The following ZNF385B variants were observed in gnomAD, a reference collection of about 807,000 sequenced individuals.
ZNF385B encodes the protein zinc finger protein 385B, also known as zinc finger protein 533.
A neutral mutation model predicts 39.2 loss-of-function variants in ZNF385B; 23 were observed. That is an observed-to-expected ratio of 0.59 (90% CI 0.42 to 0.83). The LOEUF is 0.83. Among genes scored for constraint, ZNF385B ranks in the 40% least tolerant of loss-of-function variants. The probability of loss-of-function intolerance (pLI) is 0.00; values close to 1 mark genes in which losing one functional copy is unlikely to be tolerated. For synonymous variants in ZNF385B, 205 were observed against 222.6 expected, an observed-to-expected ratio of 0.92 and a Z score of 0.70; for missense variants, 552 against 598.9, an observed-to-expected ratio of 0.92 and a Z score of 0.82.
chr2:179,857,004 C>T (rs1308673958), intron 1 of ZNF385B, among the ~76,000 whole-genome samples: 1 of 152,164 alleles, frequency 6.6e-6, no homozygotes, highest in African/African-American at 2.4e-5. Context: ...CAAGGATCAC[C>T]TATTTCAAAA....
chr2:179,850,799 T>C (rs1684075054), intron 1 of ZNF385B, among the ~76,000 whole-genome samples: 1 of 152,160 alleles, frequency 6.6e-6, no homozygotes, highest in South Asian at 2.1e-4. Context: ...GAAGTAAAAG[T>C]GGGCTAGACC....
chr2:179,859,479 G>T, intron 1 of ZNF385B, among the ~76,000 whole-genome samples: 1 of 151,988 alleles, frequency 6.6e-6, no homozygotes, highest in East Asian at 1.9e-4. Context: ...GCAAAACATT[G>T]TATCACCAAG....
At chr2:179,518,241 T>C (rs2058226580) in intron 5 of ZNF385B, among the ~76,000 whole-genome samples, 1 of 152,188 alleles carries the variant, frequency 6.6e-6, no homozygotes, top group South Asian at 2.1e-4. Flanking sequence ...GTTTTAAAAT[T>C]TGTATTATTT....
chr2:179,642,560 C>T (rs527475317), intron 3 of ZNF385B, among the ~76,000 whole-genome samples: 23 of 152,108 alleles, frequency 1.5e-4, no homozygotes, highest in Non-Finnish European at 1.2e-4. Context: ...AGTCTGTAGA[C>T]CCTGAAGGGT....
chr2:179,563,873 T>A (rs1460953454), intron 3 of ZNF385B, among the ~76,000 whole-genome samples: 1 of 152,162 alleles, frequency 6.6e-6, no homozygotes, highest in Non-Finnish European at 1.5e-5. Flanking sequence ...GATGGCCTCT[T>A]CAAAATATTT....
chr2:179,678,846 C>T (rs558889120), intron 3 of ZNF385B, among the ~76,000 whole-genome samples: 23 of 152,238 alleles, frequency 1.5e-4, no homozygotes, highest in South Asian at 4.1e-4. Flanking sequence ...CCTATCCCCA[C>T]GGAAATTTCC....
At chr2:179,536,581 T>C in intron 4 of ZNF385B, 1 of 152,238 alleles carries the variant, frequency 6.6e-6, no homozygotes, top group East Asian at 1.9e-4. Context: ...CTCAATCTGA[T>C]ATTTTTAGGC....
intron 3 of ZNF385B, among the ~76,000 whole-genome samples, chr2:179,654,412 G>A (rs1379750441): frequency 2.0e-5 from 3 of 152,124 alleles, no homozygotes; most frequent in African/African-American, 7.2e-5. Flanking sequence ...AGGAGGATAG[G>A]AGCCTGTCAC....
intron 3 of ZNF385B, among the ~76,000 whole-genome samples, chr2:179,628,689 T>A (rs188920836): frequency 9.2e-5 from 14 of 152,344 alleles, no homozygotes; most frequent in Admixed American, 9.2e-4. Flanking sequence ...CAGTAATTGA[T>A]GATCATTTCC....
intron 3 of ZNF385B, among the ~76,000 whole-genome samples, chr2:179,553,857 CA>C: frequency 6.7e-6 from 1 of 148,912 alleles, no homozygotes; most frequent in South Asian, 2.2e-4. Flanking sequence ...AGCATAGAAT[CA>C]AGCCTTAAAT....
chr2:179,589,426 C>T (rs1182597135), intron 3 of ZNF385B, among the ~76,000 whole-genome samples: 2 of 151,960 alleles, frequency 1.3e-5, no homozygotes, highest in African/African-American at 2.4e-5. Context: ...AAGAAGAACA[C>T]CAAAGAGGAG....
At chr2:179,774,777 C>G (rs1704217391) in intron 1 of ZNF385B, among the ~76,000 whole-genome samples, 1 of 152,218 alleles carries the variant, frequency 6.6e-6, no homozygotes, top group Non-Finnish European at 1.5e-5. Flanking sequence ...CATCACTCAT[C>G]TGCAAACTAA....
intron 3 of ZNF385B, among the ~76,000 whole-genome samples, chr2:179,565,656 A>C (rs542023294): frequency 6.6e-6 from 1 of 152,234 alleles, no homozygotes; most frequent in Non-Finnish European, 1.5e-5. Context: ...GTTCTTGGAC[A>C]TACACACTTT....
chr2:179,578,929 T>C (rs979983734), intron 3 of ZNF385B, among the ~76,000 whole-genome samples: 1 of 152,114 alleles, frequency 6.6e-6, no homozygotes, highest in Non-Finnish European at 1.5e-5. Context: ...CACACACTCA[T>C]ATTAAATCTA....
chr2:179,763,976 C>T (rs1703547202), intron 3 of ZNF385B, among the ~76,000 whole-genome samples: 1 of 152,042 alleles, frequency 6.6e-6, no homozygotes, highest in African/African-American at 2.4e-5. Flanking sequence ...TTAATTAGAT[C>T]CTTTTAGTTG....
At chr2:179,537,285 T>A (rs1176086487) in intron 4 of ZNF385B, among the ~76,000 whole-genome samples, 1 of 125,458 alleles carries the variant, frequency 8.0e-6, no homozygotes, top group Non-Finnish European at 1.6e-5. Flanking sequence ...CTGGGCAACA[T>A]GAGCAAAACC....
intron 3 of ZNF385B, among the ~76,000 whole-genome samples, chr2:179,747,958 A>G (rs1166063412): frequency 6.6e-6 from 1 of 152,136 alleles, no homozygotes; most frequent in Non-Finnish European, 1.5e-5. Context: ...TTTCCCATCA[A>G]TATGAATTAT....
chr2:179,547,201 G>A lies in ZNF385B; in HGVS notation c.299-2232C>T, dbSNP rs1040919982. 8.7e-5 allele frequency among the ~76,000 whole-genome samples: 13 copies of A among 149,324 alleles called. 1 individual carries two copies. Among genetic ancestry groups the A allele is most frequent in the African/African-American group, 3.0e-4 (12 of 39,532 alleles). On this transcript the variant is annotated intron_variant, in intron 3 of 9. Coordinates refer to ENST00000410066, the MANE Select transcript of ZNF385B (RefSeq NM_152520.6). Reference sequence around the variant, plus strand: ...CACTTTGTTGACTGTTTTCATTGCTGTGCAGAAGCTTTGTAACTTGTGATC... The same window carrying A: ...CACTTTGTTGACTGTTTTCATTGCTATGCAGAAGCTTTGTAACTTGTGATC...
At chr2:179,788,459 A>G (rs1705134496) in intron 1 of ZNF385B, among the ~76,000 whole-genome samples, 1 of 152,184 alleles carries the variant, frequency 6.6e-6, no homozygotes, top group African/African-American at 2.4e-5. Flanking sequence ...GAAAATAGCA[A>G]TTCCTGAGGC....
Sources: gnomAD v4.1 joint callset for allele counts (sites outside exome capture counted in the v4.1 genomes callset) on GRCh38, gnomAD v4.1.1 for gene constraint, MANE v1.5 for transcripts, NCBI Gene and HGNC (gene_info 2026-07-23, HGNC 2026-07-21) for gene names.